Variants in C6orf132 observed in about 807,000 individuals in gnomAD.
C6orf132 encodes chromosome 6 open reading frame 132.
In C6orf132, 43 loss-of-function variants were observed where a neutral mutation model predicts 65.3. The observed-to-expected ratio is 0.66, with a 90% confidence interval of 0.52 to 0.85. The LOEUF (loss-of-function observed/expected upper bound fraction) is 0.85. Ranked by LOEUF, C6orf132 falls within the 40% of genes least tolerant of loss-of-function variation. The pLI is 0.00. For missense variants in C6orf132, 1,488 were observed against 1,548.8 expected (o/e 0.96, Z 0.66); for synonymous variants, 631 against 654.1 (o/e 0.96, Z 0.54).
chr6:42,108,383 A>G (rs1463501030), intron 3 of C6orf132, among the ~76,000 whole-genome samples: 2 of 152,168 alleles, frequency 1.3e-5, no homozygotes, highest in African/African-American at 4.8e-5. Context: ...TCCAGTAGGC[A>G]TTTAATAAAA....
chr6:42,140,253 G>T (rs886266763), intron 1 of C6orf132, among the ~76,000 whole-genome samples: 2 of 152,276 alleles, frequency 1.3e-5, no homozygotes, highest in African/African-American at 4.8e-5. Context: ...CAGCTGGCTG[G>T]AGATGACAGG....
At chr6:42,128,219 T>A (rs1006061650) in intron 2 of C6orf132, among the ~76,000 whole-genome samples, 3 of 152,084 alleles carry the variant, frequency 2.0e-5, no homozygotes, top group Admixed American at 6.6e-5. Context: ...GCCACCGCAC[T>A]GGCCACAATG....
rs1767049675 is a variant in C6orf132, at chr6:42,142,313, C to T, written c.132G>A (p.Gly44=). ...WIFTQEAPEE[G]TGGFDGIYYG... is the part of the protein sequence containing the mutation. ...CGGAGTACTCACCGAAGCCCCCGGT[C>T]CCCTCCTCCGGGGCCTCCTGGGTGA... is the stretch of plus-strand genomic sequence containing the variant. Residue 44 remains glycine (G), a synonymous_variant, in exon 1 of 5, where the codon GGG becomes GGA. Transcript: ENST00000341865. 2 of 1,550,876 alleles carry T rather than the reference C, an allele frequency of 1.3e-6. No homozygotes were observed. The highest frequency in any genetic ancestry group is 1.2e-5 in the South Asian group (1 of 84,022).
Position 42,142,329 on chromosome 6 carries a change from T to G in C6orf132, c.116A>C (p.Glu39Ala), listed in dbSNP as rs1345843671. 1.3e-6 allele frequency: 2 copies of G among 1,550,964 alleles called. No homozygotes were observed. The highest frequency in any genetic ancestry group is 2.7e-5 in the African/African-American group (2 of 72,962). Residue 39 changes from glutamate (E) to alanine (A), a missense_variant, in exon 1 of 5, where the codon GAG becomes GCG. Physicochemically the swap from Glu to Ala is moderately radical, Grantham distance 107. Transcript: ENST00000341865. ...GCCCCCGGTCCCCTCCTCCGGGGCC[T>G]CCTGGGTGAAGATCCAGGGCGGATT... ...ATNPPWIFTQEAPEEGTGGFD... is the reference protein window; with the variant it reads ...ATNPPWIFTQAAPEEGTGGFD...
chr6:42,119,143 T>C (rs1400904570), intron 2 of C6orf132, among the ~76,000 whole-genome samples: 1 of 141,662 alleles, frequency 7.1e-6, no homozygotes, highest in African/African-American at 2.6e-5. Context: ...CTCGGGAGGC[T>C]GAGGCAGGAG....
chr6:42,126,671 GTC>G (rs1352591386), intron 2 of C6orf132: 1 of 254,804 alleles, frequency 3.9e-6, no homozygotes, highest in African/African-American at 2.3e-5. Context: ...GTGAAACCCT[GTC>G]TCTACTAAAA....
chr6:42,138,113 G>T lies in C6orf132; in HGVS notation c.145+4187C>A, dbSNP rs541972451. Reference sequence around the variant, plus strand: ...AGAGATTCTGACTTCCTGTGCCTGAGGTGGGACCCTAGGAATTTGAAATTA... The same window carrying T: ...AGAGATTCTGACTTCCTGTGCCTGATGTGGGACCCTAGGAATTTGAAATTA... On this transcript the variant is annotated intron_variant, in intron 1 of 4. Transcript: ENST00000341865. Among the ~76,000 whole-genome samples the T allele has an allele frequency of 2.0e-5, 3 of 152,312 alleles. No individual in the cohort carries two copies. The South Asian group carries it at 6.2e-4, about 32-fold the overall frequency.
intron 1 of C6orf132, among the ~76,000 whole-genome samples, chr6:42,135,315 C>T (rs1249024952): frequency 2.0e-5 from 3 of 152,234 alleles, no homozygotes; most frequent in Non-Finnish European, 4.4e-5. Context: ...TGGCCCCTGA[C>T]TTGCACTGCC....
At position 42,124,595 on chromosome 6, in the gene C6orf132, C is replaced by G. The variant is rs1393942084; in HGVS notation, c.252+4077G>C. Among the ~76,000 whole-genome samples the G allele has an allele frequency of 6.6e-6, 1 of 152,202 alleles. No homozygotes were observed. Among genetic ancestry groups the G allele is most frequent in the Non-Finnish European group, 1.5e-5 (1 of 68,020 alleles). ...AGGACAGGGAGGGGTGGAGGCCTGG[C>G]CGGCTGGGACAGTGTCAGGCAGGGC... On this transcript the variant is annotated intron_variant, in intron 2 of 4. Coordinates refer to ENST00000341865, the MANE Select transcript of C6orf132 (RefSeq NM_001164446.3). This position sits in a 1 kb window ranked among gnomAD's most constrained non-coding sequence, Gnocchi z 4.0.
Position 42,107,481 on chromosome 6 carries a change from G to A in C6orf132, c.431C>T (p.Pro144Leu). 1.3e-6 allele frequency: 2 copies of A among 1,546,418 alleles called. No homozygotes were observed. The highest frequency in any genetic ancestry group is 1.7e-6 in the Non-Finnish European group (2 of 1,144,380). ...CTGAGGGGGCCCTGGGGCTGGGCCT[G>A]GGGGAGGTGGGGGGATGAGTAGATC... ...GQDLLIPPPP[P>L]GPAPGPPQDI... Residue 144 changes from proline to leucine, a missense_variant, in exon 4 of 5, where the codon CCA becomes CTA. Coordinates refer to ENST00000341865, the MANE Select transcript of C6orf132 (RefSeq NM_001164446.3).
In C6orf132 at chr6:42,106,753, C is replaced by T. The variant is rs1304797057; in HGVS notation, c.1159G>A (p.Ala387Thr). ...GGAGGGGCTGGAGGCGGAGTCCCAG[C>T]TCGTTCATCTGCTTGGGACTGGGAC... ...GQSQSQADERAGTPPPAPPLP... is the reference protein window; with the variant it reads ...GQSQSQADERTGTPPPAPPLP... The change falls in exon 4 of 5, where the codon GCT becomes ACT. Residue 387 changes from alanine to threonine, a missense_variant. Ala to Thr is a moderately conservative substitution (Grantham distance 58). Transcript: ENST00000341865. 6.5e-7 allele frequency: 1 copy of T among 1,532,124 alleles called. No individual in the cohort carries two copies. The highest frequency in any genetic ancestry group is 8.7e-7 in the Non-Finnish European group (1 of 1,145,726). The allele number at this position is 1,532,124 out of a possible 1,614,324, so 94.9% of individuals were successfully genotyped here.
In C6orf132 at chr6:42,104,565, T is replaced by C. The variant is rs527914512; in HGVS notation, c.3347A>G (p.His1116Arg). ...SAGRAPPGGL[H>R]APRLSLEGAA... ...GCCCTCCAGGGACAGCCTCGGCGCG[T>C]GCAGGCCTCCGGGGGGCGCGCGACC... Residue 1116 changes from histidine (H) to arginine (R), a missense_variant, in exon 4 of 5, where the codon CAC (histidine) becomes CGC (arginine). By Grantham distance (29) the His-to-Arg change is conservative. Transcript: ENST00000341865. The surrounding 1 kb of genome is among the most constrained non-coding windows in gnomAD (Gnocchi z 4.1). 7.7e-7 allele frequency: 1 copy of C among 1,299,618 alleles called. No individual in the cohort carries two copies. The highest frequency in any genetic ancestry group is 2.3e-5 in the South Asian group (1 of 42,978). 80.5% of individuals were successfully genotyped at this position (1,299,618 alleles called of 1,614,324 possible). A position where few individuals can be genotyped will look rare whatever the true frequency, so the allele number is the denominator to read the frequency against.
chr6:42,104,460 C>G lies in C6orf132; in HGVS notation c.3449+3G>C. The G allele has an allele frequency of 8.1e-7, 1 of 1,230,842 alleles. No individual in the cohort carries two copies. The highest frequency in any genetic ancestry group is 1.0e-6 in the Non-Finnish European group (1 of 987,510). 76.2% of individuals were successfully genotyped at this position (1,230,842 alleles called of 1,614,324 possible). Reference sequence around the variant, plus strand: ...TCCCGCACCAGCCGGGCCCGCAGCTCACCTGCCGGCAGCTGGGGCGAAGCC... The same window carrying G: ...TCCCGCACCAGCCGGGCCCGCAGCTGACCTGCCGGCAGCTGGGGCGAAGCC... On this transcript the variant is annotated splice_donor_region_variant and intron_variant, in intron 4 of 4. Coordinates refer to ENST00000341865, the MANE Select transcript of C6orf132 (RefSeq NM_001164446.3). The surrounding 1 kb of genome is among the most constrained non-coding windows in gnomAD (Gnocchi z 4.1).
At chr6:42,138,478 G>C (rs1447692066) in intron 1 of C6orf132, among the ~76,000 whole-genome samples, 1 of 152,122 alleles carries the variant, frequency 6.6e-6, no homozygotes, top group Non-Finnish European at 1.5e-5. Flanking sequence ...TTTTAGTAGA[G>C]ACAACAGGAT....
Position 42,106,194 on chromosome 6 carries a change from C to A in C6orf132, c.1718G>T (p.Arg573Leu). ...VRQIRNELEA[R>L]LSSAAEKEAK... ...CTCCTTCTCTGCTGCTGAGGAGAGC[C>A]GGGCCTCCAGCTCATTCCGGATCTG... is the stretch of plus-strand genomic sequence containing the variant. The change falls in exon 4 of 5, where the codon CGG becomes CTG. Residue 573 changes from arginine (R) to leucine (L), a missense_variant. Transcript: ENST00000341865. 1.3e-6 allele frequency: 2 copies of A among 1,537,216 alleles called. No individual in the cohort carries two copies. The highest frequency in any genetic ancestry group is 1.7e-6 in the Non-Finnish European group (2 of 1,146,898).
chr6:42,135,044 A>C (rs1766917497), intron 1 of C6orf132, among the ~76,000 whole-genome samples: 1 of 152,078 alleles, frequency 6.6e-6, no homozygotes, highest in African/African-American at 2.4e-5. Flanking sequence ...TATTGTTGTG[A>C]TCGTCATTTT....
chr6:42,103,885 GA>G lies in C6orf132; in HGVS notation c.3450-8del. 1 of 1,419,582 alleles carries G rather than the reference GA, an allele frequency of 7.0e-7. No homozygotes were observed. The highest frequency in any genetic ancestry group is 2.8e-5 in the East Asian group (1 of 35,146). The allele number at this position is 1,419,582 out of a possible 1,614,324, so 87.9% of individuals were successfully genotyped here. ...GGTGGTGGTGTAGGGAGACCTGGGG[GA>G]GAGCAAGAGATGTGAGGTGAATATC... On this transcript the variant is annotated splice_region_variant and splice_polypyrimidine_tract_variant and intron_variant, in intron 4 of 4. Coordinates refer to ENST00000341865, the MANE Select transcript of C6orf132 (RefSeq NM_001164446.3).
At chr6:42,120,454 G>T (rs1582276940) in intron 2 of C6orf132, among the ~76,000 whole-genome samples, 1 of 151,884 alleles carries the variant, frequency 6.6e-6, no homozygotes, top group East Asian at 2.0e-4. Flanking sequence ...CACCGTGTTA[G>T]CCAGGATGGT....
chr6:42,105,806 TGTG>T lies in C6orf132; in HGVS notation c.2103_2105del (p.Thr702del), dbSNP rs770087436. The T allele has an allele frequency of 2.6e-6, 4 of 1,537,234 alleles. No individual in the cohort carries two copies. The highest frequency in any genetic ancestry group is 2.4e-5 in the South Asian group (2 of 84,066). On this transcript the variant is annotated inframe_deletion, in exon 4 of 5. Coordinates refer to ENST00000341865, the MANE Select transcript of C6orf132 (RefSeq NM_001164446.3). Reference sequence around the variant, plus strand: ...AGTCCTTCTCTGCCATCAGTTGGGATGTGGTGGTGGGCAGAGTTGTGGCTGTAG... The same window carrying T: ...AGTCCTTCTCTGCCATCAGTTGGGATGTGGTGGGCAGAGTTGTGGCTGTAG...
Sources: gnomAD v4.1 joint callset for allele counts (sites outside exome capture counted in the v4.1 genomes callset) on GRCh38, gnomAD v4.1.1 for gene constraint, Gnocchi (gnomAD v3.1) non-coding constraint, MANE v1.5 for transcripts, NCBI Gene and HGNC (gene_info 2026-07-23, HGNC 2026-07-21) for gene names.